AFG2A: variants seen among roughly 807,000 people sequenced by gnomAD.
AFG2A encodes ATPase family gene 2 protein homolog A.
chr4:123,017,414 A>ATTTTTTTTT, the AFG2A span, among the ~76,000 whole-genome samples: 6 of 74,732 alleles, frequency 8.0e-5, no homozygotes, highest in Non-Finnish European at 1.1e-4. Flanking sequence ...AGCATGGGAA[A>ATTTTTTTTT]TTTTTTTTTT....
At chr4:122,978,848 G>C in the AFG2A span, among the ~76,000 whole-genome samples, 1 of 152,240 alleles carries the variant, frequency 6.6e-6, no homozygotes, top group Non-Finnish European at 1.5e-5. Context: ...CTTAACTTTG[G>C]TCTGAAATCA....
the AFG2A span, among the ~76,000 whole-genome samples, chr4:123,209,999 G>A: frequency 3.9e-5 from 6 of 152,026 alleles, no homozygotes; most frequent in African/African-American, 1.2e-4. Flanking sequence ...CTTTGGTTCC[G>A]TCAGCATGCC....
chr4:123,313,878 A>T, the AFG2A span: 3 of 1,540,672 alleles, frequency 1.9e-6, no homozygotes, highest in Non-Finnish European at 2.6e-6. Context: ...CTTATTTTTT[A>T]AAATTTCAGA....
chr4:123,096,223 C>T, the AFG2A span, among the ~76,000 whole-genome samples: 28 of 147,466 alleles, frequency 1.9e-4, no homozygotes, highest in African/African-American at 6.5e-4. Context: ...AAGTTGAGTC[C>T]TCTAGTGTTC....
At chr4:123,265,709 T>C in the AFG2A span, among the ~76,000 whole-genome samples, 1 of 152,066 alleles carries the variant, frequency 6.6e-6, no homozygotes, top group Non-Finnish European at 1.5e-5. Context: ...CATGGAAGCC[T>C]TTTTATAGGG....
chr4:123,025,459 C>G, the AFG2A span, among the ~76,000 whole-genome samples: 71 of 152,078 alleles, frequency 4.7e-4, 1 homozygote, highest in Non-Finnish European at 5.9e-5. Context: ...ATTGAATCTC[C>G]GATTAACACA....
the AFG2A span, among the ~76,000 whole-genome samples, chr4:123,099,866 G>C: frequency 6.6e-6 from 1 of 151,738 alleles, no homozygotes; most frequent in Non-Finnish European, 1.5e-5. Flanking sequence ...GTTATGAGTT[G>C]TATGCCCTTT....
the AFG2A span, among the ~76,000 whole-genome samples, chr4:123,267,295 A>G: frequency 1.3e-5 from 2 of 151,960 alleles, no homozygotes; most frequent in African/African-American, 2.4e-5. Flanking sequence ...TTCTCTTTTT[A>G]TTTTATTTGT....
the AFG2A span, chr4:122,927,891 G>A: frequency 8.0e-7 from 1 of 1,254,060 alleles, no homozygotes; most frequent in South Asian, 1.5e-5. Context: ...TTGGATTTCA[G>A]ATTTGGGATG....
At chr4:123,169,697 T>C in the AFG2A span, among the ~76,000 whole-genome samples, 1 of 152,164 alleles carries the variant, frequency 6.6e-6, no homozygotes, top group African/African-American at 2.4e-5. Flanking sequence ...GTCAGGCTGG[T>C]CTTGAACTTC....
chr4:122,934,349 A>G, the AFG2A span: 5 of 1,614,262 alleles, frequency 3.1e-6, no homozygotes, highest in South Asian at 3.3e-5. Flanking sequence ...AGTACTCCTT[A>G]TAAACCAATT....
At chr4:123,082,230 T>C in the AFG2A span, among the ~76,000 whole-genome samples, 83 of 152,188 alleles carry the variant, frequency 5.5e-4, no homozygotes, top group Admixed American at 6.5e-4. Context: ...TGGTTTTCTC[T>C]TATGCTGTCT....
At chr4:123,009,665 A>C in the AFG2A span, among the ~76,000 whole-genome samples, 2 of 152,050 alleles carry the variant, frequency 1.3e-5, no homozygotes, top group African/African-American at 4.8e-5. Context: ...TGACGATTTT[A>C]AGGTGTACTG....
the AFG2A span, among the ~76,000 whole-genome samples, chr4:123,225,520 T>C: frequency 6.6e-6 from 1 of 152,246 alleles, no homozygotes; most frequent in African/African-American, 2.4e-5. Flanking sequence ...CAGATAGTTA[T>C]AGATATGTGG....
the AFG2A span, among the ~76,000 whole-genome samples, chr4:123,050,423 A>C: frequency 6.6e-6 from 1 of 152,276 alleles, no homozygotes; most frequent in South Asian, 2.1e-4. Flanking sequence ...ATTTTATTGC[A>C]GTCATTGCAG....
the AFG2A span, among the ~76,000 whole-genome samples, chr4:123,061,628 T>C: frequency 6.6e-6 from 1 of 152,306 alleles, no homozygotes; most frequent in Admixed American, 6.5e-5. Context: ...ATGGGGATTA[T>C]TACAATTCAA....
the AFG2A span, among the ~76,000 whole-genome samples, chr4:123,273,976 A>G: frequency 4.6e-5 from 7 of 152,096 alleles, no homozygotes; most frequent in Admixed American, 1.3e-4. Flanking sequence ...GGACCTGTCT[A>G]TGTTAGAGGC....
At chr4:123,286,958 CAGAA>C in the AFG2A span, among the ~76,000 whole-genome samples, 1 of 152,086 alleles carries the variant, frequency 6.6e-6, no homozygotes, top group African/African-American at 2.4e-5. Flanking sequence ...ATTCATCACT[CAGAA>C]AGCCTTTATG....
At chr4:122,979,111 C>T in the AFG2A span, 2 of 1,196,434 alleles carry the variant, frequency 1.7e-6, no homozygotes, top group Non-Finnish European at 1.2e-6. Flanking sequence ...CCTGGCCACG[C>T]CTCCCCCACT....
Sources: allele counts gnomAD v4.1 joint callset (sites outside exome capture counted in the v4.1 genomes callset), GRCh38; gene constraint gnomAD v4.1.1; transcripts MANE v1.5; gene names NCBI Gene and HGNC (gene_info 2026-07-23, HGNC 2026-07-21).